Variants in ITFG2 observed in about 807,000 individuals in gnomAD.
The protein encoded by ITFG2 is KICSTOR complex protein ITFG2.
A neutral mutation model predicts 54.4 loss-of-function variants in ITFG2; 36 were observed. The observed-to-expected ratio is 0.66, with a 90% CI of 0.51 to 0.87. ITFG2 has a LOEUF of 0.87. ITFG2 is among the 40% of genes least tolerant of loss of function. ITFG2 has a pLI of 0.00. For missense variants in ITFG2, 524 were observed against 576.7 expected, an observed-to-expected ratio of 0.91 and a Z score of 0.94; for synonymous variants, 211 against 225.4, an observed-to-expected ratio of 0.94 and a Z score of 0.57.
chr12:2,842,605 G>A (rs906727306), intron 2 of ITFG2, among the ~76,000 whole-genome samples: 13 of 152,178 alleles, frequency 8.5e-5, no homozygotes, highest in Non-Finnish European at 1.2e-4. Context: ...AGTGACATGC[G>A]CCTGTAGTTC....
At chr12:2,844,130 C>T (rs2098047847) in intron 2 of ITFG2, among the ~76,000 whole-genome samples, 2 of 150,586 alleles carry the variant, frequency 1.3e-5, no homozygotes, top group Admixed American at 1.3e-4. Flanking sequence ...TGGTGGCACA[C>T]GCTTGTGGTC....
intron 3 of ITFG2, chr12:2,859,406 A>G (rs982871044): frequency 1.2e-6 from 2 of 1,613,578 alleles, no homozygotes; most frequent in African/African-American, 2.7e-5. Context: ...TTGGGGTGGG[A>G]GATTGGGACG....
At chr12:2,814,502 T>A (rs1267338589) in intron 1 of ITFG2, among the ~76,000 whole-genome samples, 1 of 152,156 alleles carries the variant, frequency 6.6e-6, no homozygotes, top group Admixed American at 6.5e-5. Context: ...TTTTAATCTG[T>A]TTTTTCCACT....
chr12:2,846,598 C>T (rs1282489255), intron 2 of ITFG2, among the ~76,000 whole-genome samples: 2 of 151,978 alleles, frequency 1.3e-5, no homozygotes, highest in Non-Finnish European at 2.9e-5. Context: ...TAATGGCCTG[C>T]CCAGCTCTGA....
At chr12:2,836,573 G>A (rs1054955863), upstream of ITFG2, among the ~76,000 whole-genome samples, 1 of 152,192 alleles carries the variant, frequency 6.6e-6, no homozygotes, top group African/African-American at 2.4e-5. Context: ...CATTTAGAGG[G>A]AAAGAAAGTG....
At chr12:2,849,164 G>A in intron 2 of ITFG2, 2 of 1,445,762 alleles carry the variant, frequency 1.4e-6, no homozygotes, top group Non-Finnish European at 1.8e-6. Flanking sequence ...CTTGCTGAAG[G>A]AGCATTGATT....
At chr12:2,855,104 T>TG in intron 2 of ITFG2, 1 of 1,534,936 alleles carries the variant, frequency 6.5e-7, no homozygotes, top group Non-Finnish European at 8.7e-7. Context: ...GGAGGGGGGA[T>TG]GGGGTGCTCC....
At chr12:2,819,626 CAA>C (rs200377386) in intron 4 of ITFG2, 2 of 136,580 alleles carry the variant, frequency 1.5e-5, no homozygotes, top group Non-Finnish European at 1.6e-5. Flanking sequence ...GACTCTGTCT[CAA>C]AAAAAAAAAA....
rs1181294966 is a variant in ITFG2 at position 2,821,598 on chromosome 12, T to G, written c.847+2T>G. On this transcript the variant is annotated splice_donor_variant, in intron 8 of 11. Transcript: ENST00000228799. LOFTEE classifies it high-confidence loss of function. ...TCTTTGCCCTGTGCACCCTGGATGG[T>G]GAGCAATGCTAGGATGGGGTGTGGG... 5 of 1,614,112 alleles carry G rather than the reference T, an allele frequency of 3.1e-6. No homozygotes were observed. Among genetic ancestry groups the G allele is most frequent in the Non-Finnish European group, 4.2e-6 (5 of 1,180,004 alleles).
chr12:2,841,373 A>T (rs1461032767), intron 2 of ITFG2, among the ~76,000 whole-genome samples: 1 of 151,600 alleles, frequency 6.6e-6, no homozygotes, highest in African/African-American at 2.4e-5. Flanking sequence ...ATTTCTAGCA[A>T]TGATGAAGGG....
At chr12:2,849,984 G>C (rs1356861425) in intron 2 of ITFG2, among the ~76,000 whole-genome samples, 1 of 152,184 alleles carries the variant, frequency 6.6e-6, no homozygotes, top group Non-Finnish European at 1.5e-5. Context: ...ATAGTGGCCA[G>C]TTTTCTATGA....
At chr12:2,835,282 T>C (rs1406722572), upstream of ITFG2, 36 of 913,944 alleles carry the variant, frequency 3.9e-5, no homozygotes, top group Non-Finnish European at 4.4e-5. Flanking sequence ...CTTGTCACTG[T>C]GTGGGGGCAG....
chr12:2,855,488 C>A (rs1565453884), intron 2 of ITFG2: 2 of 1,369,810 alleles, frequency 1.5e-6, no homozygotes, highest in Non-Finnish European at 1.9e-6. Context: ...GTTGTGCAGA[C>A]AGGGGTGCAG....
At chr12:2,838,617 G>A (rs1381125245) in intron 1 of ITFG2, among the ~76,000 whole-genome samples, 1 of 152,200 alleles carries the variant, frequency 6.6e-6, no homozygotes, top group East Asian at 1.9e-4. Flanking sequence ...CTCCGAAAAT[G>A]CCATTCTCTG....
At chr12:2,816,797 A>T (rs1321928740) in intron 1 of ITFG2, among the ~76,000 whole-genome samples, 1 of 151,562 alleles carries the variant, frequency 6.6e-6, no homozygotes, top group African/African-American at 2.4e-5. Flanking sequence ...ATGCACCACT[A>T]TGCTTGGGTA....
intron 1 of ITFG2, among the ~76,000 whole-genome samples, chr12:2,839,127 A>T (rs2098035091): frequency 1.3e-5 from 2 of 152,154 alleles, no homozygotes; most frequent in South Asian, 4.1e-4. Context: ...CGCTGTCTCT[A>T]CTAAAAATAC....
intron 1 of ITFG2, among the ~76,000 whole-genome samples, chr12:2,838,926 C>T (rs1431409752): frequency 3.3e-5 from 5 of 152,050 alleles, no homozygotes; most frequent in African/African-American, 7.2e-5. Context: ...GCTAGGCGAG[C>T]GGCCCGGCCT....
intron 1 of ITFG2, among the ~76,000 whole-genome samples, chr12:2,816,636 CTTTTTTTTTT>C (rs57417012): frequency 9.0e-6 from 1 of 111,278 alleles, no homozygotes; most frequent in African/African-American, 3.7e-5. Flanking sequence ...GCCTTTTTTT[CTTTTTTTTTT>C]TTTTTTTTGA....
At chr12:2,823,128 G>A (rs928626504) in intron 10 of ITFG2, among the ~76,000 whole-genome samples, 12 of 152,106 alleles carry the variant, frequency 7.9e-5, no homozygotes, top group African/African-American at 2.7e-4. Context: ...TTTTGTTTGG[G>A]GGTGAGGGGT....
Sources: gnomAD v4.1 joint callset for allele counts (sites outside exome capture counted in the v4.1 genomes callset) on GRCh38, gnomAD v4.1.1 for gene constraint, MANE v1.5 for transcripts, NCBI Gene and HGNC (gene_info 2026-07-23, HGNC 2026-07-21) for gene names.